The following ABI2 variants were observed in gnomAD, a reference collection of about 807,000 sequenced individuals.
ABI2 encodes the protein abelson interactor 2.
In ABI2, 25 loss-of-function variants were observed where a neutral mutation model predicts 59.2. That is an observed-to-expected ratio of 0.42 (90% CI 0.31 to 0.59). ABI2 has a LOEUF of 0.59. Among genes scored for constraint, ABI2 ranks in the 20% least tolerant of loss-of-function variants. The pLI is 0.14. For missense variants in ABI2, 545 were observed against 681.8 expected, an observed-to-expected ratio of 0.80 and a Z score of 2.23; for synonymous variants, 213 against 235.5, an observed-to-expected ratio of 0.90 and a Z score of 0.87.
intron 1 of ABI2, among the ~76,000 whole-genome samples, chr2:203,345,019 T>C (rs1233981899): frequency 6.6e-6 from 1 of 152,142 alleles, no homozygotes; most frequent in Non-Finnish European, 1.5e-5. Flanking sequence ...AATAAGGGAA[T>C]AAAAGCTGGC....
rs191104824 is a variant in ABI2 at position 203,340,781 on chromosome 2, T to C, written c.117+12150T>C. On this transcript the variant is annotated intron_variant, in intron 1 of 11. Transcript: ENST00000261018. ...TGTATCATGTCATCATGTTGTACAC[T>C]TTAAATATATACAGTTTTTGTCAGT... 2.8e-3 allele frequency among the ~76,000 whole-genome samples: 428 copies of C among 152,290 alleles called. 2 individuals are homozygous for C. The highest frequency in any genetic ancestry group is 4.2e-3 in the Non-Finnish European group (283 of 68,006).
chr2:203,338,934 G>GTATATA (rs1292898900), intron 1 of ABI2, among the ~76,000 whole-genome samples: 1 of 5,184 alleles, frequency 1.9e-4, no homozygotes, highest in African/African-American at 3.9e-4. Context: ...GTGTGTATAT[G>GTATATA]TATATATATA....
At chr2:203,405,788 A>G (rs1339521303) in intron 9 of ABI2, among the ~76,000 whole-genome samples, 1 of 152,110 alleles carries the variant, frequency 6.6e-6, no homozygotes, top group Non-Finnish European at 1.5e-5. Flanking sequence ...GGAAGGTTTC[A>G]TGTGAATATA....
intron 1 of ABI2, among the ~76,000 whole-genome samples, chr2:203,346,028 A>G (rs187152504): frequency 6.6e-6 from 1 of 151,404 alleles, no homozygotes; most frequent in Non-Finnish European, 1.5e-5. Context: ...AAAAATACAC[A>G]CGCGCACACA....
intron 1 of ABI2, among the ~76,000 whole-genome samples, chr2:203,332,355 G>A (rs1271035283): frequency 1.3e-5 from 2 of 152,034 alleles, no homozygotes; most frequent in South Asian, 2.1e-4. Context: ...GGCCGGGCAC[G>A]GTGGCCCACG....
At chr2:203,414,436 A>G (rs892780016) in intron 10 of ABI2, among the ~76,000 whole-genome samples, 2 of 152,022 alleles carry the variant, frequency 1.3e-5, no homozygotes, top group South Asian at 4.2e-4. Context: ...TGAAATATCA[A>G]TGCCTCTGCC....
intron 3 of ABI2, 85 bp from the exon 4 acceptor site, chr2:203,382,104 C>A: frequency 8.5e-7 from 1 of 1,174,502 alleles, no homozygotes; most frequent in Non-Finnish European, 1.2e-6. Context: ...TCTTTTTTTC[C>A]TTTCTCTTCA....
chr2:203,423,331 G>A (rs1365586267), intron 11 of ABI2, among the ~76,000 whole-genome samples: 2 of 152,180 alleles, frequency 1.3e-5, no homozygotes, highest in African/African-American at 4.8e-5. Context: ...GATGAGTGAT[G>A]GGCCCTTACC....
intron 2 of ABI2, among the ~76,000 whole-genome samples, chr2:203,372,947 C>T (rs1459547814): frequency 5.9e-5 from 9 of 151,740 alleles, no homozygotes; most frequent in African/African-American, 1.7e-4. Flanking sequence ...GACGGGATGG[C>T]GGCCAGGAAG....
At chr2:203,413,161 C>T (rs1241933344) in intron 10 of ABI2, among the ~76,000 whole-genome samples, 3 of 152,164 alleles carry the variant, frequency 2.0e-5, no homozygotes, top group Admixed American at 1.3e-4. Flanking sequence ...TGGTTCTGAG[C>T]AGCTTCTGGA....
intron 10 of ABI2, among the ~76,000 whole-genome samples, chr2:203,415,130 A>G (rs1006764239): frequency 1.3e-5 from 2 of 152,236 alleles, no homozygotes; most frequent in South Asian, 2.1e-4. Flanking sequence ...ACCCAAGTAT[A>G]TGGTAAATCA....
At position 203,328,414 on chromosome 2, in the gene ABI2, G is replaced by A. The variant is rs1296338519; in HGVS notation, c.-101G>A. The A allele has an allele frequency of 2.0e-5, 19 of 971,910 alleles. No homozygotes were observed. Among genetic ancestry groups the A allele is most frequent in the Non-Finnish European group, 2.8e-5 (18 of 643,694 alleles). The allele number at this position is 971,910 out of a possible 1,614,324, so 60.2% of individuals were successfully genotyped here. ...TCGCTCCTTCCGAGTTACCGCCGCC[G>A]TCGCCGCCGCTCCTCCTCTCCCGGT... On this transcript the variant is annotated 5_prime_UTR_variant, in exon 1 of 12. Coordinates refer to ENST00000261018, the MANE Select transcript of ABI2 (RefSeq NM_001375670.1).
intron 1 of ABI2, among the ~76,000 whole-genome samples, chr2:203,353,948 C>T (rs1454389689): frequency 6.6e-6 from 1 of 152,222 alleles, no homozygotes; most frequent in Non-Finnish European, 1.5e-5. Flanking sequence ...ATCTTCTTAA[C>T]ATGTAGATTT....
At chr2:203,374,843 GCTAA>G (rs1333781343) in intron 2 of ABI2, 1 of 456,052 alleles carries the variant, frequency 2.2e-6, no homozygotes. Flanking sequence ...CTGATGGGCA[GCTAA>G]CTGAGGTAGT....
chr2:203,383,645 G>C (rs759295761), intron 4 of ABI2, among the ~76,000 whole-genome samples: 1 of 152,138 alleles, frequency 6.6e-6, no homozygotes, highest in South Asian at 2.1e-4. Context: ...CATTGTGAGA[G>C]ACAGGCCAAA....
At chr2:203,338,969 T>TATATATATAA (rs2078100625) in intron 1 of ABI2, among the ~76,000 whole-genome samples, 2 of 10,570 alleles carry the variant, frequency 1.9e-4, no homozygotes, top group African/African-American at 2.5e-4. Context: ...TATAAATATA[T>TATATATATAA]ATATATATAT....
intron 1 of ABI2, among the ~76,000 whole-genome samples, chr2:203,364,369 C>T (rs1318811488): frequency 6.6e-6 from 1 of 152,148 alleles, no homozygotes; most frequent in African/African-American, 2.4e-5. Context: ...GTTGGGATTA[C>T]AGGCGTGAGC....
At position 203,379,648 on chromosome 2, in the gene ABI2, G is replaced by A. The variant is rs368735879; in HGVS notation, c.286-560G>A. On this transcript the variant is annotated intron_variant, in intron 2 of 11. Transcript: ENST00000261018. ...TTAGAAATGTAACTAGATTAATTTC[G>A]GGGGCTTTCTTAATCACTATATTAG... Among the ~76,000 whole-genome samples, 12 of 152,146 alleles carry A rather than the reference G, an allele frequency of 7.9e-5. 1 individual carries two copies. Among genetic ancestry groups the A allele is most frequent in the East Asian group, 5.8e-4 (3 of 5,182 alleles).
At chr2:203,350,446 C>T (rs910259314) in intron 1 of ABI2, among the ~76,000 whole-genome samples, 2 of 151,924 alleles carry the variant, frequency 1.3e-5, no homozygotes, top group African/African-American at 2.4e-5. Flanking sequence ...AACTCATGGG[C>T]TCAAGCAAGC....
Sources: gnomAD v4.1 joint callset for allele counts (sites outside exome capture counted in the v4.1 genomes callset) on GRCh38, gnomAD v4.1.1 for gene constraint, MANE v1.5 for transcripts, NCBI Gene and HGNC (gene_info 2026-07-23, HGNC 2026-07-21) for gene names.